The following DPP10 variants were observed in gnomAD, a reference collection of about 807,000 sequenced individuals.
DPP10 encodes dipeptidyl peptidase like 10.
DPP10 carries 33 observed loss-of-function variants against 120.9 expected under a neutral mutation model. The observed-to-expected ratio is 0.27, with a 90% CI of 0.21 to 0.37. DPP10 has a LOEUF of 0.37. Ranked by LOEUF, DPP10 falls within the 10% of genes least tolerant of loss-of-function variation. The pLI, the probability that DPP10 is intolerant of heterozygous loss-of-function variation, is 1.00. For synonymous variants in DPP10, 337 were observed against 326.1 expected, an observed-to-expected ratio of 1.03 and a Z score of -0.36; for missense variants, 816 against 942.8, an observed-to-expected ratio of 0.87 and a Z score of 1.76.
chr2:114,685,367 C>A (rs566710884), intron 1 of DPP10, among the ~76,000 whole-genome samples: 1 of 151,980 alleles, frequency 6.6e-6, no homozygotes, highest in African/African-American at 2.4e-5. Flanking sequence ...CTGATCCCTG[C>A]TACTCTAAAT....
intron 1 of DPP10, among the ~76,000 whole-genome samples, chr2:115,286,521 TATATA>T (rs1189887182): frequency 1.2e-3 from 54 of 43,480 alleles, no homozygotes; most frequent in African/African-American, 2.7e-3. Flanking sequence ...ATAATATATA[TATATA>T]ATATATATAT....
intron 1 of DPP10, among the ~76,000 whole-genome samples, chr2:114,968,448 A>C (rs1443931921): frequency 1.3e-5 from 2 of 152,170 alleles, no homozygotes; most frequent in Admixed American, 1.3e-4. Context: ...CTTGATGGTA[A>C]GTATATTTTT....
chr2:115,127,520 G>C (rs1226541006), intron 1 of DPP10, among the ~76,000 whole-genome samples: 1 of 152,128 alleles, frequency 6.6e-6, no homozygotes, highest in African/African-American at 2.4e-5. Context: ...TAATATTAGA[G>C]TTGAAAATAT....
chr2:114,933,563 G>A (rs2104515335), intron 1 of DPP10, among the ~76,000 whole-genome samples: 1 of 152,288 alleles, frequency 6.6e-6, no homozygotes, highest in Non-Finnish European at 1.5e-5. Flanking sequence ...TCCTCTGAAA[G>A]CCCATGATAC....
intron 1 of DPP10, among the ~76,000 whole-genome samples, chr2:115,087,533 CTTTTCT>C (rs1387969335): frequency 0.025 from 2,360 of 92,590 alleles, 29 homozygotes; most frequent in African/African-American, 0.039. Flanking sequence ...CTTTTCTTTT[CTTTTCT>C]TTTTTTTTTT....
chr2:115,716,100 T>G (rs1166770206), intron 7 of DPP10, among the ~76,000 whole-genome samples: 1 of 152,234 alleles, frequency 6.6e-6, no homozygotes, highest in East Asian at 1.9e-4. Flanking sequence ...CTGAAGAATT[T>G]GGTTTTTCTT....
chr2:115,510,194 T>C (rs1006563608), intron 4 of DPP10, among the ~76,000 whole-genome samples: 1 of 152,128 alleles, frequency 6.6e-6, no homozygotes, highest in African/African-American at 2.4e-5. Context: ...GATTTAAATG[T>C]TGATAAAGTC....
At chr2:114,946,591 A>G (rs1697362253) in intron 1 of DPP10, among the ~76,000 whole-genome samples, 1 of 152,074 alleles carries the variant, frequency 6.6e-6, no homozygotes. Flanking sequence ...TAATGCAGTG[A>G]ATTATGTTTT....
At chr2:114,682,916 G>A (rs962495030) in intron 1 of DPP10, among the ~76,000 whole-genome samples, 2 of 151,716 alleles carry the variant, frequency 1.3e-5, no homozygotes, top group Non-Finnish European at 2.9e-5. Flanking sequence ...ACACCCTACC[G>A]CTGTTTAACC....
At chr2:115,469,901 A>AAAAAAAAAG (rs1558709891) in intron 3 of DPP10, among the ~76,000 whole-genome samples, 83 of 74,612 alleles carry the variant, frequency 1.1e-3, no homozygotes, top group Middle Eastern at 8.1e-3. Flanking sequence ...AAAAAAAAAG[A>AAAAAAAAAG]AAAAAAAAAA....
intron 1 of DPP10, among the ~76,000 whole-genome samples, chr2:114,749,232 C>T (rs1678947252): frequency 6.7e-6 from 1 of 150,134 alleles, no homozygotes; most frequent in Admixed American, 6.7e-5. Flanking sequence ...ATGTCCTTCG[C>T]CCACTTTTTG....
At chr2:115,035,011 C>T (rs749618460) in intron 1 of DPP10, among the ~76,000 whole-genome samples, 104 of 152,216 alleles carry the variant, frequency 6.8e-4, no homozygotes, top group Non-Finnish European at 1.3e-3. Context: ...AGGCCTTTCC[C>T]AATCTAAACA....
At chr2:114,449,410 GA>G (rs1353429345) in intron 1 of DPP10, among the ~76,000 whole-genome samples, 2 of 151,790 alleles carry the variant, frequency 1.3e-5, no homozygotes, top group African/African-American at 4.8e-5. Flanking sequence ...GTGAAATAAG[GA>G]AATTACCTCC....
intron 1 of DPP10, among the ~76,000 whole-genome samples, chr2:114,688,599 A>G (rs1429542819): frequency 6.6e-6 from 1 of 152,024 alleles, no homozygotes; most frequent in Non-Finnish European, 1.5e-5. Context: ...TGGAAAACTG[A>G]AAGTTAGAAC....
chr2:114,974,444 G>A (rs1378376366), intron 1 of DPP10, among the ~76,000 whole-genome samples: 3 of 139,744 alleles, frequency 2.1e-5, no homozygotes, highest in Admixed American at 7.7e-5. Flanking sequence ...TTGAAGCAGA[G>A]TCTCACTCTG....
intron 10 of DPP10, among the ~76,000 whole-genome samples, 188 bp downstream of exon 10, chr2:115,746,371 C>T (rs1677975105): frequency 6.6e-6 from 1 of 152,080 alleles, no homozygotes; most frequent in African/African-American, 2.4e-5. Flanking sequence ...CATTTAGCTC[C>T]AAGGTGATTA....
intron 3 of DPP10, among the ~76,000 whole-genome samples, chr2:115,448,520 C>G (rs2072824598): frequency 1.3e-5 from 2 of 152,154 alleles, no homozygotes; most frequent in South Asian, 4.1e-4. Flanking sequence ...AGACATAATC[C>G]TGATCATAAG....
chr2:114,888,796 G>A (rs1347692362), intron 1 of DPP10, among the ~76,000 whole-genome samples: 1 of 152,118 alleles, frequency 6.6e-6, no homozygotes, highest in Non-Finnish European at 1.5e-5. Flanking sequence ...TTTACAATGG[G>A]CATTCCACTA....
chr2:115,059,154 T>C (rs1706186314), intron 1 of DPP10, among the ~76,000 whole-genome samples: 1 of 149,898 alleles, frequency 6.7e-6, no homozygotes. Flanking sequence ...AAAGAACAAA[T>C]ACAGAAATAT....
Sources: gnomAD v4.1 joint callset for allele counts (sites outside exome capture counted in the v4.1 genomes callset) on GRCh38, gnomAD v4.1.1 for gene constraint, MANE v1.5 for transcripts, NCBI Gene and HGNC (gene_info 2026-07-23, HGNC 2026-07-21) for gene names.